Variants in RCL1 observed in about 807,000 individuals in gnomAD.
RCL1 encodes the protein RNA terminal phosphate cyclase like 1.
RCL1 carries 24 observed loss-of-function variants against 42.4 expected under a neutral mutation model. The ratio of observed to expected loss-of-function variants is 0.57; its 90% CI spans 0.41 to 0.80. The LOEUF (loss-of-function observed/expected upper bound fraction) is 0.80, where lower values mean the gene tolerates loss of function less well. Ranked by LOEUF, RCL1 falls within the 30% of genes least tolerant of loss-of-function variation. The pLI, the probability that RCL1 is intolerant of heterozygous loss-of-function variation, is 0.00. For synonymous variants in RCL1, 228 were observed against 177.3 expected, an observed-to-expected ratio of 1.29 and a Z score of -2.27; for missense variants, 578 against 467.9, an observed-to-expected ratio of 1.24 and a Z score of -2.17.
chr9:4,831,547 G>A (rs1816943993), intron 3 of RCL1, among the ~76,000 whole-genome samples: 1 of 152,166 alleles, frequency 6.6e-6, no homozygotes, highest in Non-Finnish European at 1.5e-5. Context: ...CATGATCGTG[G>A]CTCACCAAAG....
At chr9:4,810,379 A>G (rs936224658) in intron 1 of RCL1, among the ~76,000 whole-genome samples, 4 of 152,150 alleles carry the variant, frequency 2.6e-5, no homozygotes, top group African/African-American at 9.7e-5. Context: ...AATTTTTAAC[A>G]CCATGGATTA....
At chr9:4,816,255 A>T (rs1004849439) in intron 1 of RCL1, among the ~76,000 whole-genome samples, 1 of 152,138 alleles carries the variant, frequency 6.6e-6, no homozygotes, top group African/African-American at 2.4e-5. Flanking sequence ...AAAGGATTGC[A>T]CATATGTTAT....
At chr9:4,846,039 A>C (rs1817499631) in intron 7 of RCL1, among the ~76,000 whole-genome samples, 1 of 152,194 alleles carries the variant, frequency 6.6e-6, no homozygotes, top group African/African-American at 2.4e-5. Context: ...GGTTCAGTTT[A>C]TTAATCAGGG....
Position 4,793,004 on chromosome 9 carries a change from C to T in RCL1, c.-88C>T. 6.9e-7 allele frequency: 1 copy of T among 1,458,046 alleles called. No individual in the cohort carries two copies. The highest frequency in any genetic ancestry group is 9.2e-7 in the Non-Finnish European group (1 of 1,088,640). 90.3% of individuals were successfully genotyped at this position (1,458,046 alleles called of 1,614,324 possible). On this transcript the variant is annotated 5_prime_UTR_variant, in exon 1 of 9. Transcript: ENST00000381750. Reference sequence around the variant, plus strand: ...CCCGAGCCGCCGCCGTCGGTGTCGCCGCCACCACCACCATCGGAGTCACGA... The same window carrying T: ...CCCGAGCCGCCGCCGTCGGTGTCGCTGCCACCACCACCATCGGAGTCACGA...
At chr9:4,836,948 C>G (rs1817159547) in intron 5 of RCL1, among the ~76,000 whole-genome samples, 1 of 152,096 alleles carries the variant, frequency 6.6e-6, no homozygotes, top group Non-Finnish European at 1.5e-5. Flanking sequence ...TGGCTGTCCC[C>G]CAGCCCATGT....
At chr9:4,802,564 C>T (rs78413004) in intron 1 of RCL1, among the ~76,000 whole-genome samples, 8,717 of 152,128 alleles carry the variant, frequency 0.057, 455 homozygotes, top group African/African-American at 0.13. Context: ...AATTCTCATC[C>T]TGAGATGAGA....
chr9:4,834,925 T>A (rs760456179), intron 5 of RCL1, among the ~76,000 whole-genome samples: 6 of 152,226 alleles, frequency 3.9e-5, no homozygotes, highest in Non-Finnish European at 7.3e-5. Flanking sequence ...GAGCTAGGAT[T>A]TGAACCTGGT....
intron 1 of RCL1, among the ~76,000 whole-genome samples, chr9:4,817,212 G>A (rs1487793084): frequency 6.6e-6 from 1 of 151,990 alleles, no homozygotes; most frequent in Non-Finnish European, 1.5e-5. Context: ...AATTCTTCTT[G>A]TCTTCTTTTT....
intron 1 of RCL1, among the ~76,000 whole-genome samples, chr9:4,796,514 G>A (rs189058990): frequency 6.6e-6 from 1 of 152,246 alleles, no homozygotes; most frequent in East Asian, 1.9e-4. Flanking sequence ...TCTCACGTTA[G>A]CTTCCTGAGT....
intron 1 of RCL1, among the ~76,000 whole-genome samples, chr9:4,810,908 T>A (rs1276636324): frequency 1.3e-5 from 2 of 152,194 alleles, no homozygotes; most frequent in Non-Finnish European, 2.9e-5. Flanking sequence ...TCATTGTTTT[T>A]AATGATCACA....
intron 2 of RCL1, among the ~76,000 whole-genome samples, chr9:4,824,669 T>C (rs1328831896): frequency 2.0e-5 from 3 of 152,200 alleles, no homozygotes; most frequent in African/African-American, 7.2e-5. Flanking sequence ...TCTCTGACCT[T>C]TTCCCTATCT....
At position 4,844,635 on chromosome 9, in the gene RCL1, A is replaced by G. The variant is rs752303774; in HGVS notation, c.821A>G (p.Asp274Gly). ...CAGGGAGCAGCAGTACTTCCAGAGG[A>G]CCTTGGCAGGAACTGTGCCCGGCTG... The part of the protein sequence containing the change: ...QGQGAAVLPE[D>G]LGRNCARLLL... Residue 274 changes from aspartate to glycine, a missense_variant, in exon 7 of 9, where the codon GAC becomes GGC. Physicochemically the swap from Asp to Gly is moderately conservative, Grantham distance 94 (BLOSUM62 -1). Transcript: ENST00000381750. 11 of 1,613,696 alleles carry G rather than the reference A, an allele frequency of 6.8e-6. No individual in the cohort carries two copies. In the African/African-American group the frequency reaches 1.5e-4, roughly 22 times the overall value.
intron 8 of RCL1, chr9:4,850,295 G>A: frequency 1.9e-6 from 1 of 534,076 alleles, no homozygotes; most frequent in Non-Finnish European, 3.9e-6. Flanking sequence ...ATATGAGACT[G>A]AACTGTCCTT....
chr9:4,841,338 A>G lies in RCL1; in HGVS notation c.691A>G (p.Lys231Glu), dbSNP rs1817317946. ...TATCTATATTTACACAGATCACATGAAAGGAGTCAACTCTGGGAAGTAAGT... is the reference window on the plus strand; with the variant it reads ...TATCTATATTTACACAGATCACATGGAAGGAGTCAACTCTGGGAAGTAAGT... Reference protein sequence around the residue: ...PDIYIYTDHMKGVNSGKSPGF... With the variant: ...PDIYIYTDHMEGVNSGKSPGF... Residue 231 changes from lysine (K) to glutamate (E), a missense_variant, in exon 6 of 9, where the codon AAA (lysine) becomes GAA (glutamate). By Grantham distance (56) the Lys-to-Glu change is moderately conservative (BLOSUM62 1). Transcript: ENST00000381750. 3 of 1,612,650 alleles carry G rather than the reference A, an allele frequency of 1.9e-6. No individual in the cohort carries two copies. The highest frequency in any genetic ancestry group is 1.7e-5 in the Admixed American group (1 of 59,992).
intron 5 of RCL1, among the ~76,000 whole-genome samples, chr9:4,837,529 G>A (rs1176648841): frequency 6.6e-6 from 1 of 152,086 alleles, no homozygotes; most frequent in Non-Finnish European, 1.5e-5. Flanking sequence ...TCCAGTCTCT[G>A]TAGTCTGGAA....
At chr9:4,843,969 CT>C (rs1322915423) in intron 6 of RCL1, among the ~76,000 whole-genome samples, 2 of 152,206 alleles carry the variant, frequency 1.3e-5, no homozygotes, top group African/African-American at 4.8e-5. Flanking sequence ...ACTGCACCCC[CT>C]TTCCTTGGCA....
chr9:4,795,554 G>T (rs1342310057), intron 1 of RCL1, among the ~76,000 whole-genome samples: 1 of 152,164 alleles, frequency 6.6e-6, no homozygotes, highest in Non-Finnish European at 1.5e-5. Context: ...GGGAGTCCTT[G>T]GTAGCTTGAT....
chr9:4,800,861 C>T (rs1435488706), intron 1 of RCL1, among the ~76,000 whole-genome samples: 1 of 152,034 alleles, frequency 6.6e-6, no homozygotes, highest in Non-Finnish European at 1.5e-5. Context: ...ACTGTGTTGG[C>T]CAGGCTGGTC....
chr9:4,825,698 C>T (rs1057223250), intron 2 of RCL1, among the ~76,000 whole-genome samples: 1 of 152,112 alleles, frequency 6.6e-6, no homozygotes, highest in Non-Finnish European at 1.5e-5. Context: ...TTATGTCCCC[C>T]TATGTCATTT....
Sources: gnomAD v4.1 joint callset for allele counts (sites outside exome capture counted in the v4.1 genomes callset) on GRCh38, gnomAD v4.1.1 for gene constraint, MANE v1.5 for transcripts, NCBI Gene and HGNC (gene_info 2026-07-23, HGNC 2026-07-21) for gene names.